The following LIN28B variants were observed in gnomAD, a reference collection of about 807,000 sequenced individuals.
LIN28B encodes protein lin-28 homolog B.
Under a neutral mutation model 21.9 loss-of-function variants are expected in LIN28B, and 5 were observed. The ratio of observed to expected loss-of-function variants is 0.23; its 90% CI spans 0.12 to 0.48. The LOEUF is 0.48. Among genes scored for constraint, LIN28B ranks in the 20% least tolerant of loss-of-function variants. The pLI, the probability that LIN28B is intolerant of heterozygous loss-of-function variation, is 0.98. For missense variants in LIN28B, 245 were observed against 310.5 expected (o/e 0.79, Z 1.58); for synonymous variants, 109 against 111.3 (o/e 0.98, Z 0.13).
rs1162700259 is a variant in LIN28B at position 105,081,957 on chromosome 6, C to T, written c.*3174C>T. On this transcript the variant is annotated 3_prime_UTR_variant, in exon 4 of 4. Transcript: ENST00000345080. ...GGAAAAGGGTCTGTGTGAAGCATCACTTTGCAGGGATTACTAATGGTGGGG... is the reference window on the plus strand; with the variant it reads ...GGAAAAGGGTCTGTGTGAAGCATCATTTTGCAGGGATTACTAATGGTGGGG... The T allele has an allele frequency of 6.6e-6, 1 of 152,592 alleles. No individual in the cohort carries two copies. The highest frequency in any genetic ancestry group is 1.5e-5 in the Non-Finnish European group (1 of 68,028). 9.5% of individuals were successfully genotyped at this position (152,592 alleles called of 1,614,324 possible).
At chr6:104,996,451 A>G (rs567907757) in intron 2 of LIN28B, among the ~76,000 whole-genome samples, 91 of 152,338 alleles carry the variant, frequency 6.0e-4, no homozygotes, top group African/African-American at 2.2e-3. Context: ...AGATAGTGCC[A>G]AGACAGCTCC....
rs62419625 is a variant in LIN28B, at chr6:105,063,795, A to G, written c.384-14619A>G. ...CACTGTGCTACAGTCATGCCTATGA[A>G]TAACCCCTGCAGTCCAGCCTGGGCA... is the stretch of plus-strand genomic sequence containing the variant. On this transcript the variant is annotated intron_variant, in intron 3 of 3. Coordinates refer to ENST00000345080, the MANE Select transcript of LIN28B (RefSeq NM_001004317.4). 6.7e-4 allele frequency among the ~76,000 whole-genome samples: 101 copies of G among 151,518 alleles called. No homozygotes were observed. In the Middle Eastern group the frequency reaches 0.014, roughly 21 times the overall value.
intron 2 of LIN28B, among the ~76,000 whole-genome samples, chr6:104,938,623 A>G (rs972313972): frequency 6.9e-6 from 1 of 144,030 alleles, no homozygotes; most frequent in Non-Finnish European, 1.5e-5. Context: ...TGGGGGACAT[A>G]GTGAGACCCT....
chr6:105,030,635 C>A, intron 3 of LIN28B, among the ~76,000 whole-genome samples: 1 of 120,904 alleles, frequency 8.3e-6, no homozygotes, highest in Non-Finnish European at 1.6e-5. Flanking sequence ...TTGCTCTTGT[C>A]GCCCAGTCTG....
chr6:104,962,321 G>A (rs1439730674), intron 2 of LIN28B, among the ~76,000 whole-genome samples: 1 of 151,748 alleles, frequency 6.6e-6, no homozygotes, highest in East Asian at 1.9e-4. Context: ...TACTCAGTAG[G>A]CCTAAATATT....
intron 2 of LIN28B, among the ~76,000 whole-genome samples, chr6:105,009,998 T>C (rs1770889881): frequency 6.6e-6 from 1 of 152,168 alleles, no homozygotes. Flanking sequence ...TCCAATTACA[T>C]GAACAATATA....
At chr6:105,067,612 G>A (rs1772244957) in intron 3 of LIN28B, among the ~76,000 whole-genome samples, 1 of 150,938 alleles carries the variant, frequency 6.6e-6, no homozygotes, top group Admixed American at 6.6e-5. Context: ...CAGACTATCT[G>A]TCTGAGATGT....
At chr6:105,025,154 A>G (rs559804126) in intron 2 of LIN28B, among the ~76,000 whole-genome samples, 16 of 152,346 alleles carry the variant, frequency 1.1e-4, no homozygotes, top group Non-Finnish European at 1.3e-4. Flanking sequence ...ATTCAAAGCA[A>G]TATAGCAGTT....
intron 2 of LIN28B, among the ~76,000 whole-genome samples, chr6:104,976,704 G>T (rs1020960280): frequency 6.6e-6 from 1 of 152,110 alleles, no homozygotes; most frequent in Admixed American, 6.6e-5. Flanking sequence ...AGCCTGAGAA[G>T]GCATTTCATA....
chr6:104,948,235 G>A (rs895986512), intron 2 of LIN28B, among the ~76,000 whole-genome samples: 4 of 152,186 alleles, frequency 2.6e-5, no homozygotes, highest in Admixed American at 6.5e-5. Flanking sequence ...TTGGGAGGCC[G>A]AGGCGGGTGG....
intron 3 of LIN28B, chr6:105,058,073 A>G (rs1195002914): frequency 2.5e-6 from 1 of 397,344 alleles, no homozygotes; most frequent in South Asian, 1.9e-5. Context: ...GTCTACAGGA[A>G]TTTTTTGACT....
intron 3 of LIN28B, among the ~76,000 whole-genome samples, chr6:105,046,468 AG>A (rs1771766055): frequency 6.6e-6 from 1 of 152,250 alleles, no homozygotes; most frequent in Non-Finnish European, 1.5e-5. Flanking sequence ...ATAGTGCCAC[AG>A]TAAACATACA....
At chr6:105,077,881 T>A (rs1023195595) in intron 3 of LIN28B, among the ~76,000 whole-genome samples, 6 of 152,100 alleles carry the variant, frequency 3.9e-5, no homozygotes, top group African/African-American at 1.2e-4. Flanking sequence ...AGGAAAAAAA[T>A]TTTTCCAGTT....
chr6:104,946,924 G>T (rs1451995919), intron 2 of LIN28B, among the ~76,000 whole-genome samples: 1 of 152,108 alleles, frequency 6.6e-6, no homozygotes, highest in African/African-American at 2.4e-5. Flanking sequence ...AATAAGTAAT[G>T]AAATAATTTT....
intron 3 of LIN28B, among the ~76,000 whole-genome samples, chr6:105,048,792 G>C (rs1009048706): frequency 2.0e-5 from 3 of 152,186 alleles, no homozygotes; most frequent in African/African-American, 7.2e-5. Context: ...AGATTTTCTA[G>C]TTTATTTGCA....
intron 2 of LIN28B, among the ~76,000 whole-genome samples, chr6:105,009,786 G>A (rs898828699): frequency 1.3e-5 from 2 of 152,116 alleles, no homozygotes; most frequent in African/African-American, 4.8e-5. Flanking sequence ...TTTCATATCT[G>A]TATTCTCATT....
intron 3 of LIN28B, among the ~76,000 whole-genome samples, chr6:105,039,719 A>G (rs1028645427): frequency 1.3e-5 from 2 of 152,194 alleles, no homozygotes; most frequent in Non-Finnish European, 2.9e-5. Context: ...GTATTCATAT[A>G]TAATAGATTC....
chr6:105,046,207 C>T (rs894931885), intron 3 of LIN28B, among the ~76,000 whole-genome samples: 17 of 152,120 alleles, frequency 1.1e-4, no homozygotes, highest in Admixed American at 8.5e-4. Context: ...TGATGTTCCC[C>T]TTCTTGTGTC....
chr6:104,958,508 A>ATG (rs1353075025), intron 2 of LIN28B, among the ~76,000 whole-genome samples: 1 of 152,156 alleles, frequency 6.6e-6, no homozygotes, highest in African/African-American at 2.4e-5. Flanking sequence ...CACTATATAT[A>ATG]TTAAGGTTGA....
Sources: allele counts gnomAD v4.1 joint callset (sites outside exome capture counted in the v4.1 genomes callset), GRCh38; gene constraint gnomAD v4.1.1; transcripts MANE v1.5; gene names NCBI Gene and HGNC (gene_info 2026-07-23, HGNC 2026-07-21).